Variants in FBRSL1 observed in about 807,000 individuals in gnomAD.
FBRSL1 encodes the protein fibrosin like 1.
In FBRSL1, 51 loss-of-function variants were observed where a neutral mutation model predicts 89.6. The ratio of observed to expected loss-of-function variants is 0.57; its 90% CI spans 0.45 to 0.72. The LOEUF (loss-of-function observed/expected upper bound fraction) is 0.72, where lower values mean the gene tolerates loss of function less well. Among genes scored for constraint, FBRSL1 ranks in the 30% least tolerant of loss-of-function variants. The pLI is 0.00. For synonymous variants in FBRSL1, 779 were observed against 681.1 expected, an observed-to-expected ratio of 1.14 and a Z score of -2.24; for missense variants, 1,618 against 1,451.8, an observed-to-expected ratio of 1.11 and a Z score of -1.86.
At chr12:132,503,762 G>A (rs963457015) in intron 1 of FBRSL1, among the ~76,000 whole-genome samples, 4 of 152,208 alleles carry the variant, frequency 2.6e-5, no homozygotes, top group African/African-American at 7.2e-5. Flanking sequence ...GAGAGCTGTG[G>A]GGTTTGCACA....
intron 2 of FBRSL1, among the ~76,000 whole-genome samples, chr12:132,514,685 A>G (rs372729561): frequency 1.8e-4 from 27 of 152,274 alleles, no homozygotes; most frequent in African/African-American, 6.5e-4. Flanking sequence ...TACACGACCT[A>G]GAGGGCTCCC....
At position 132,583,529 on chromosome 12, in the gene FBRSL1, G is replaced by C. The variant is rs766401038; in HGVS notation, c.2760G>C (p.Ala920=). 13 of 1,045,838 alleles carry C rather than the reference G, an allele frequency of 1.2e-5. No homozygotes were observed. In the African/African-American group the frequency reaches 1.9e-4, roughly 15 times the overall value. The allele number at this position is 1,045,838 out of a possible 1,614,324, so 64.8% of individuals were successfully genotyped here. ...LPPAAPALDG[A]LLPSLGALHF... ...CCGCCGCCCCCGCCTTGGACGGCGC[G>C]CTGCTGCCCTCGCTGGGAGCCCTGC... The change falls in exon 19 of 19, where the codon GCG becomes GCC. Residue 920 remains alanine (A), a synonymous_variant. Transcript: ENST00000680143.
At chr12:132,572,499 C>T (rs3829336) in intron 10 of FBRSL1, 28 bp from the exon 11 acceptor site, 15 of 1,529,882 alleles carry the variant, frequency 9.8e-6, no homozygotes, top group Non-Finnish European at 1.2e-5. Flanking sequence ...CTTGGGCCCC[C>T]CCTCCATCCG....
chr12:132,534,092 G>A (rs1488875731), intron 4 of FBRSL1, among the ~76,000 whole-genome samples: 3 of 152,194 alleles, frequency 2.0e-5, no homozygotes, highest in Non-Finnish European at 4.4e-5. Context: ...GACCCACCCA[G>A]TGCTGAGAGG....
At chr12:132,564,557 A>G (rs573623133) in intron 5 of FBRSL1, among the ~76,000 whole-genome samples, 50,244 of 128,880 alleles carry the variant, frequency 0.39, 10,952 homozygotes, top group East Asian at 0.82. Flanking sequence ...GTCCAGTGGT[A>G]CGATCTCAGC....
chr12:132,548,155 C>T (rs1439912809), intron 5 of FBRSL1, 123 bp downstream of exon 5: 5 of 1,193,574 alleles, frequency 4.2e-6, no homozygotes, highest in Admixed American at 4.3e-5. Flanking sequence ...ATCCCCCCGC[C>T]CGGTGGGTGC....
intron 1 of FBRSL1, among the ~76,000 whole-genome samples, chr12:132,505,836 GCCTGGGTACCTTT>G (rs948475744): frequency 1.3e-5 from 2 of 152,226 alleles, no homozygotes; most frequent in Admixed American, 1.3e-4. Flanking sequence ...GCTCTCCCAG[GCCTGGGTACCTTT>G]CCCACCGTCT....
At chr12:132,532,960 G>C (rs1458951096) in intron 4 of FBRSL1, among the ~76,000 whole-genome samples, 1 of 152,204 alleles carries the variant, frequency 6.6e-6, no homozygotes, top group Non-Finnish European at 1.5e-5. Context: ...TACAGGCGCT[G>C]TCTTTACAAG....
intron 2 of FBRSL1, among the ~76,000 whole-genome samples, chr12:132,522,173 A>G (rs1055023399): frequency 6.6e-6 from 1 of 152,166 alleles, no homozygotes; most frequent in African/African-American, 2.4e-5. Context: ...TGGCGGGGCC[A>G]CTGCTGGCTC....
chr12:132,579,276 G>A (rs1188919980), intron 15 of FBRSL1, among the ~76,000 whole-genome samples: 1 of 152,162 alleles, frequency 6.6e-6, no homozygotes, highest in Non-Finnish European at 1.5e-5. Flanking sequence ...ACTGGAGTTG[G>A]GTTAAAGGGG....
intron 1 of FBRSL1, among the ~76,000 whole-genome samples, chr12:132,501,984 C>T (rs563426155): frequency 1.3e-5 from 2 of 152,344 alleles, no homozygotes; most frequent in South Asian, 4.1e-4. Context: ...AAATGACTTG[C>T]CTTTCCTTTT....
intron 1 of FBRSL1, among the ~76,000 whole-genome samples, chr12:132,502,890 T>C (rs1233510589): frequency 2.2e-5 from 3 of 136,218 alleles, no homozygotes; most frequent in African/African-American, 8.1e-5. Context: ...CGCCCTCTCC[T>C]GTCCACCTGC....
rs1426493504 is a variant in FBRSL1, at chr12:132,546,140, C to T, written c.616-1863C>T. Among the ~76,000 whole-genome samples the T allele has an allele frequency of 6.6e-6, 1 of 152,272 alleles. No individual in the cohort carries two copies. Among genetic ancestry groups the T allele is most frequent in the African/African-American group, 2.4e-5 (1 of 41,476 alleles). On this transcript the variant is annotated intron_variant, in intron 4 of 18. Coordinates refer to ENST00000680143, the MANE Select transcript of FBRSL1 (RefSeq NM_001367871.1). This position sits in a 1 kb window ranked among gnomAD's most constrained non-coding sequence, Gnocchi z 4.0. ...CCCCGCAGGAGCTTGTGGCTTTCCCCTGCCCCACGTCCTGGTCTTTGCTTC... is the reference window on the plus strand; with the variant it reads ...CCCCGCAGGAGCTTGTGGCTTTCCCTTGCCCCACGTCCTGGTCTTTGCTTC...
intron 1 of FBRSL1, among the ~76,000 whole-genome samples, chr12:132,507,607 C>T (rs1456535562): frequency 6.6e-6 from 1 of 152,144 alleles, no homozygotes; most frequent in Admixed American, 6.5e-5. Context: ...CAAAGGTGAA[C>T]ACGGGGAAGC....
At chr12:132,531,546 T>TGC (rs1466636744) in intron 4 of FBRSL1, among the ~76,000 whole-genome samples, 1 of 135,360 alleles carries the variant, frequency 7.4e-6, no homozygotes, top group South Asian at 2.4e-4. Context: ...GGCCTCTGTG[T>TGC]GTGCGTGTGT....
chr12:132,503,254 C>G (rs1246906878), intron 1 of FBRSL1, among the ~76,000 whole-genome samples: 1 of 152,206 alleles, frequency 6.6e-6, no homozygotes, highest in Non-Finnish European at 1.5e-5. Context: ...GGCAGCCCAG[C>G]TCCCAGCTGC....
intron 2 of FBRSL1, chr12:132,511,347 A>T (rs1440470871): frequency 2.0e-6 from 2 of 985,488 alleles, no homozygotes; most frequent in African/African-American, 3.5e-5. Flanking sequence ...GTTGACCTAC[A>T]TGTGGTCGGG....
intron 18 of FBRSL1, 120 bp downstream of exon 18, chr12:132,582,386 CGTTCCCCCTCCCCCT>C (rs2040827597): frequency 1.4e-6 from 1 of 723,114 alleles, no homozygotes. Flanking sequence ...TCTCCCTCAC[CGTTCCCCCTCCCCCT>C]GTTCCCCTTC....
chr12:132,528,671 G>A (rs1321309396), intron 4 of FBRSL1, among the ~76,000 whole-genome samples: 1 of 152,116 alleles, frequency 6.6e-6, no homozygotes, highest in African/African-American at 2.4e-5. Flanking sequence ...CTCCCCGTGG[G>A]TGCACGGGTG....
Sources: allele counts gnomAD v4.1 joint callset (sites outside exome capture counted in the v4.1 genomes callset), GRCh38; gene constraint gnomAD v4.1.1; non-coding constraint Gnocchi (gnomAD v3.1); transcripts MANE v1.5; gene names NCBI Gene and HGNC (gene_info 2026-07-23, HGNC 2026-07-21).